The following GLRA3 variants were observed in gnomAD, a reference collection of about 807,000 sequenced individuals.
GLRA3 encodes the protein glycine receptor subunit alpha-3.
A neutral mutation model predicts 60.4 loss-of-function variants in GLRA3; 44 were observed. That is an observed-to-expected ratio of 0.73 (90% CI 0.57 to 0.94). The LOEUF is 0.94. Ranked by LOEUF, GLRA3 falls within the 40% of genes least tolerant of loss-of-function variation. GLRA3 has a pLI of 0.00. For missense variants in GLRA3, 508 were observed against 564.6 expected, an observed-to-expected ratio of 0.90 and a Z score of 1.02; for synonymous variants, 223 against 192.9, an observed-to-expected ratio of 1.16 and a Z score of -1.29.
intron 5 of GLRA3, among the ~76,000 whole-genome samples, chr4:174,697,473 C>T (rs1246658864): frequency 2.0e-5 from 3 of 152,182 alleles, no homozygotes; most frequent in South Asian, 2.1e-4. Context: ...TATGTCAAAA[C>T]GCATTTAACT....
chr4:174,679,653 G>C (rs1561050497), intron 6 of GLRA3, among the ~76,000 whole-genome samples: 1 of 152,080 alleles, frequency 6.6e-6, no homozygotes, highest in Admixed American at 6.6e-5. Flanking sequence ...TGGAAGAATG[G>C]ATAAAGAAAA....
intron 4 of GLRA3, among the ~76,000 whole-genome samples, chr4:174,723,228 C>T (rs1205145157): frequency 6.6e-6 from 1 of 151,946 alleles, no homozygotes; most frequent in African/African-American, 2.4e-5. Flanking sequence ...TAATATAATG[C>T]ATTTGAATGG....
At position 174,828,902 on chromosome 4, in the gene GLRA3, G is replaced by T; in HGVS notation, c.-91C>A. On this transcript the variant is annotated 5_prime_UTR_variant, in exon 1 of 10. Transcript: ENST00000274093. ...GAATGAAAATGTACAATCTAACCCC[G>T]CATGGTGTTGGTGTAGACTGATGCT... 2.2e-6 allele frequency: 2 copies of T among 896,286 alleles called. No homozygotes were observed. Among genetic ancestry groups the T allele is most frequent in the South Asian group, 1.4e-5 (1 of 73,090 alleles). 55.5% of individuals were successfully genotyped at this position (896,286 alleles called of 1,614,324 possible).
chr4:174,804,096 A>T (rs1739932926), intron 1 of GLRA3, among the ~76,000 whole-genome samples: 1 of 152,160 alleles, frequency 6.6e-6, no homozygotes, highest in Non-Finnish European at 1.5e-5. Flanking sequence ...TGGTATACTA[A>T]GCAAGATTTT....
chr4:174,727,242 AC>A (rs1259784662), intron 4 of GLRA3, among the ~76,000 whole-genome samples: 5 of 152,244 alleles, frequency 3.3e-5, no homozygotes, highest in South Asian at 4.1e-4. Context: ...GCAGAAAAAA[AC>A]ATTTTCAAAA....
chr4:174,779,689 G>A (rs543411654), intron 2 of GLRA3, among the ~76,000 whole-genome samples: 2,248 of 152,202 alleles, frequency 0.015, 68 homozygotes, highest in African/African-American at 0.051. Context: ...GAGCCGATGC[G>A]ATCAACTGGA....
In GLRA3 at chr4:174,828,915, G is replaced by T; in HGVS notation, c.-104C>A. 2 of 808,946 alleles carry T rather than the reference G, an allele frequency of 2.5e-6. No individual in the cohort carries two copies. The highest frequency in any genetic ancestry group is 1.9e-5 in the Admixed American group (1 of 52,560). 50.1% of individuals were successfully genotyped at this position (808,946 alleles called of 1,614,324 possible). On this transcript the variant is annotated 5_prime_UTR_variant, in exon 1 of 10. Coordinates refer to ENST00000274093, the MANE Select transcript of GLRA3 (RefSeq NM_006529.4). ...CAATCTAACCCCGCATGGTGTTGGT[G>T]TAGACTGATGCTTGGGAAGCTTCAG...
At chr4:174,722,926 G>T (rs1026697940) in intron 4 of GLRA3, 1 of 167,328 alleles carries the variant, frequency 6.0e-6, no homozygotes, top group African/African-American at 2.4e-5. Flanking sequence ...GATTGTGCAA[G>T]CCAGGATATA....
chr4:174,677,992 C>T (rs1734195878), intron 6 of GLRA3, among the ~76,000 whole-genome samples: 2 of 152,128 alleles, frequency 1.3e-5, no homozygotes, highest in African/African-American at 4.8e-5. Context: ...GAGCCAGGTG[C>T]TATTTGTTGC....
At chr4:174,644,294 T>G (rs906966148) in intron 9 of GLRA3, among the ~76,000 whole-genome samples, 1 of 152,084 alleles carries the variant, frequency 6.6e-6, no homozygotes, top group Non-Finnish European at 1.5e-5. Flanking sequence ...TCCCAAAGGG[T>G]ATGTTTTAAT....
At chr4:174,658,312 G>C (rs1294465173) in intron 8 of GLRA3, among the ~76,000 whole-genome samples, 2 of 152,052 alleles carry the variant, frequency 1.3e-5, no homozygotes, top group Non-Finnish European at 1.5e-5. Flanking sequence ...GTTGATAGAG[G>C]CTCTCTCTTA....
In GLRA3 at chr4:174,681,668, G is replaced by A. The variant is rs117309094; in HGVS notation, c.712+1134C>T. Among the ~76,000 whole-genome samples, 13 of 152,226 alleles carry A rather than the reference G, an allele frequency of 8.5e-5. No homozygotes were observed. In the East Asian group the frequency reaches 2.5e-3, roughly 29 times the overall value. Reference sequence around the variant, plus strand: ...GGCCCTGCTGACACCTTGAATTTTGGACTCCTACCCTCCAGAACTGCGAGA... The same window carrying A: ...GGCCCTGCTGACACCTTGAATTTTGAACTCCTACCCTCCAGAACTGCGAGA... On this transcript the variant is annotated intron_variant, in intron 6 of 9. Coordinates refer to ENST00000274093, the MANE Select transcript of GLRA3 (RefSeq NM_006529.4).
intron 3 of GLRA3, among the ~76,000 whole-genome samples, chr4:174,756,935 C>G (rs1238509193): frequency 1.3e-5 from 2 of 152,182 alleles, no homozygotes; most frequent in African/African-American, 2.4e-5. Context: ...CGTGAGCCCC[C>G]GCGCCCGGCC....
At chr4:174,766,916 T>C (rs1738163274) in intron 3 of GLRA3, 47 bp downstream of exon 3, 1 of 935,370 alleles carries the variant, frequency 1.1e-6, no homozygotes, top group Non-Finnish European at 1.7e-6. Flanking sequence ...ATTAATGTAA[T>C]TACAGATTAC....
chr4:174,804,854 A>G (rs900830184), intron 1 of GLRA3, among the ~76,000 whole-genome samples: 11 of 152,124 alleles, frequency 7.2e-5, no homozygotes, highest in Non-Finnish European at 1.3e-4. Flanking sequence ...CAGGTGTGCC[A>G]TTTGCATAGG....
At chr4:174,751,164 A>C (rs1325218454) in intron 3 of GLRA3, among the ~76,000 whole-genome samples, 3 of 151,908 alleles carry the variant, frequency 2.0e-5, no homozygotes, top group African/African-American at 7.2e-5. Flanking sequence ...TACATTTTTT[A>C]GTAAGTCACA....
chr4:174,648,425 T>C lies in GLRA3; in HGVS notation c.1117-4361A>G, dbSNP rs550072429. 9.2e-5 allele frequency among the ~76,000 whole-genome samples: 14 copies of C among 152,204 alleles called. No individual in the cohort carries two copies. In the South Asian group the frequency reaches 1.9e-3, roughly 20 times the overall value. On this transcript the variant is annotated intron_variant, in intron 9 of 9. Transcript: ENST00000274093. ...GTTGCAGTGAGCCAAGATCATGCCATTGCACTCCAGCCTGGATGACAAGAG... is the reference window on the plus strand; with the variant it reads ...GTTGCAGTGAGCCAAGATCATGCCACTGCACTCCAGCCTGGATGACAAGAG...
chr4:174,750,502 C>A (rs965538178), intron 3 of GLRA3, among the ~76,000 whole-genome samples: 2 of 151,946 alleles, frequency 1.3e-5, no homozygotes, highest in Admixed American at 1.3e-4. Flanking sequence ...CCTAAGAGGG[C>A]CCATTTACCA....
chr4:174,821,148 T>C (rs1740726214), intron 1 of GLRA3, among the ~76,000 whole-genome samples: 1 of 152,176 alleles, frequency 6.6e-6, no homozygotes, highest in African/African-American at 2.4e-5. Flanking sequence ...TGAAAATATT[T>C]CCAATATTAT....
Sources: allele counts gnomAD v4.1 joint callset (sites outside exome capture counted in the v4.1 genomes callset), GRCh38; gene constraint gnomAD v4.1.1; transcripts MANE v1.5; gene names NCBI Gene and HGNC (gene_info 2026-07-23, HGNC 2026-07-21).